The following EDAR variants were observed in gnomAD, a reference collection of about 807,000 sequenced individuals.
EDAR encodes the protein tumor necrosis factor receptor superfamily member EDAR.
Under a neutral mutation model 51.3 loss-of-function variants are expected in EDAR, and 38 were observed. The observed-to-expected ratio is 0.74, with a 90% confidence interval of 0.57 to 0.97. The LOEUF (loss-of-function observed/expected upper bound fraction) is 0.97. EDAR is among the 50% of genes least tolerant of loss of function. The pLI, the probability that EDAR is intolerant of heterozygous loss-of-function variation, is 0.00. For synonymous variants in EDAR, 227 were observed against 242.1 expected, an observed-to-expected ratio of 0.94 and a Z score of 0.58; for missense variants, 528 against 595.0, an observed-to-expected ratio of 0.89 and a Z score of 1.17.
chr2:108,910,895 G>A (rs1696916898), intron 7 of EDAR, 45 bp from the exon 8 acceptor site: 1 of 1,613,870 alleles, frequency 6.2e-7, no homozygotes, highest in African/African-American at 1.3e-5. Flanking sequence ...TCCGACAGGG[G>A]GAGTTGACGG....
intron 1 of EDAR, among the ~76,000 whole-genome samples, chr2:108,971,050 G>GA (rs1250895762): frequency 1.3e-5 from 2 of 152,074 alleles, no homozygotes. Flanking sequence ...TGGTGGTGGG[G>GA]AAATCACAGG....
At position 108,912,738 on chromosome 2, in the gene EDAR, C is replaced by T; in HGVS notation, c.469G>A (p.Ala157Thr). The stretch of plus-strand genomic sequence containing the variant: ...CTGCCCGAGGTGCCAGGGAAGTTGG[C>T]AGAAGCTCCTGAAGTGGCTCCCACA... ...ECVGATSGASANFPGTSGSST... is the reference protein window; with the variant it reads ...ECVGATSGASTNFPGTSGSST... Residue 157 changes from alanine to threonine, a missense_variant, in exon 6 of 12, where the codon GCC becomes ACC. Coordinates refer to ENST00000258443, the MANE Select transcript of EDAR (RefSeq NM_022336.4). 1 of 1,601,186 alleles carries T rather than the reference C, an allele frequency of 6.2e-7. No homozygotes were observed. Among genetic ancestry groups the T allele is most frequent in the Non-Finnish European group, 8.5e-7 (1 of 1,174,282 alleles).
intron 1 of EDAR, among the ~76,000 whole-genome samples, chr2:108,932,040 C>T (rs1017838343): frequency 2.0e-5 from 3 of 152,146 alleles, no homozygotes; most frequent in Non-Finnish European, 4.4e-5. Context: ...AGAATTCTCT[C>T]GTCCTTAGCA....
At chr2:108,912,567 G>C in intron 6 of EDAR, 111 bp downstream of exon 6, 1 of 1,042,810 alleles carries the variant, frequency 9.6e-7, no homozygotes, top group Non-Finnish European at 1.4e-6. Flanking sequence ...GGTGAGGCCA[G>C]GTGGGGAAGC....
intron 1 of EDAR, among the ~76,000 whole-genome samples, chr2:108,988,361 CAG>C (rs956746478): frequency 6.6e-6 from 1 of 152,176 alleles, no homozygotes; most frequent in Non-Finnish European, 1.5e-5. Context: ...CACGGTCTGT[CAG>C]AGTGTTGAGA....
intron 1 of EDAR, among the ~76,000 whole-genome samples, chr2:108,938,968 C>T (rs927062374): frequency 6.6e-6 from 1 of 151,850 alleles, no homozygotes; most frequent in Non-Finnish European, 1.5e-5. Flanking sequence ...TTATTAGAGA[C>T]GGGGTTTCAC....
rs533098592 is a variant in EDAR, at chr2:108,911,167, C to T, written c.530-95G>A. On this transcript the variant is annotated intron_variant, in intron 6 of 11. Transcript: ENST00000258443. ...GGCCCCTGGAAGCAATGGCCCTGCCCCTGGGATGCTTTCAGGGAACCCTGA... is the reference window on the plus strand; with the variant it reads ...GGCCCCTGGAAGCAATGGCCCTGCCTCTGGGATGCTTTCAGGGAACCCTGA... 3.6e-5 allele frequency: 53 copies of T among 1,485,086 alleles called. No individual in the cohort carries two copies. In the East Asian group the frequency reaches 1.2e-3, roughly 33 times the overall value. The allele number at this position is 1,485,086 out of a possible 1,614,324, so 92.0% of individuals were successfully genotyped here.
rs907469191 is a variant in EDAR at position 108,929,466 on chromosome 2, G to A, written c.175-87C>T. 1.2e-5 allele frequency: 17 copies of A among 1,396,272 alleles called. No individual in the cohort carries two copies. The African/African-American group carries it at 1.8e-4, about 15-fold the overall frequency. The allele number at this position is 1,396,272 out of a possible 1,614,324, so 86.5% of individuals were successfully genotyped here. ...GCCCACAGTCCTTGGGCAGTGACGT[G>A]CCAGCTGTCTCCAGAAGCTACTCTT... On this transcript the variant is annotated intron_variant, in intron 3 of 11. Transcript: ENST00000258443.
intron 1 of EDAR, among the ~76,000 whole-genome samples, chr2:108,941,216 A>G (rs1344053459): frequency 6.6e-6 from 1 of 152,200 alleles, no homozygotes; most frequent in Non-Finnish European, 1.5e-5. Context: ...GTAAACCACA[A>G]TGTTTCTCCA....
chr2:108,951,572 C>A (rs1480611063), intron 1 of EDAR, among the ~76,000 whole-genome samples: 1 of 152,114 alleles, frequency 6.6e-6, no homozygotes, highest in Admixed American at 6.5e-5. Context: ...ATACACAATC[C>A]TGTATAGATA....
intron 1 of EDAR, among the ~76,000 whole-genome samples, chr2:108,949,329 C>A (rs1697778222): frequency 6.6e-6 from 1 of 152,152 alleles, no homozygotes; most frequent in Non-Finnish European, 1.5e-5. Flanking sequence ...ATTAATTATT[C>A]CAAAGAGAAA....
At position 108,907,966 on chromosome 2, in the gene EDAR, C is replaced by G. The variant is rs894253618; in HGVS notation, c.857G>C (p.Ser286Thr). ...NEQLLSRSVD[S>T]DEEPAPDKQG... ...CTTGTCAGGGGCGGGCTCCTCATCA[C>G]TGTCGACGCTCCGGCTCAGCAGCTG... is the stretch of plus-strand genomic sequence containing the variant. The change falls in exon 10 of 12, where the codon AGT becomes ACT. Residue 286 changes from serine to threonine, a missense_variant. By Grantham distance (58) the Ser-to-Thr change is moderately conservative. Transcript: ENST00000258443. The G allele has an allele frequency of 2.1e-5, 34 of 1,613,358 alleles. No individual in the cohort carries two copies. The highest frequency in any genetic ancestry group is 2.9e-5 in the Non-Finnish European group (34 of 1,179,672).
Position 108,907,857 on chromosome 2 carries a change from C to A in EDAR, c.963+3G>T. Reference sequence around the variant, plus strand: ...CTCATCATGGCACCTGCAGGAGCCTCACCCCGGCTGACTTGTTGCTGGTGG... The same window carrying A: ...CTCATCATGGCACCTGCAGGAGCCTAACCCCGGCTGACTTGTTGCTGGTGG... On this transcript the variant is annotated splice_donor_region_variant and intron_variant, in intron 10 of 11. Coordinates refer to ENST00000258443, the MANE Select transcript of EDAR (RefSeq NM_022336.4). 1 of 1,613,468 alleles carries A rather than the reference C, an allele frequency of 6.2e-7. No homozygotes were observed. The highest frequency in any genetic ancestry group is 8.5e-7 in the Non-Finnish European group (1 of 1,180,010).
intron 1 of EDAR, among the ~76,000 whole-genome samples, chr2:108,976,793 AT>A (rs199716452): frequency 2.6e-5 from 4 of 151,022 alleles, no homozygotes; most frequent in East Asian, 1.9e-4. Context: ...ACATACTACC[AT>A]TTTTTTTTCT....
At chr2:108,918,136 G>A (rs1257869231) in intron 5 of EDAR, among the ~76,000 whole-genome samples, 2 of 152,192 alleles carry the variant, frequency 1.3e-5, no homozygotes, top group Non-Finnish European at 2.9e-5. Flanking sequence ...TTCCCACCAT[G>A]TCCACTCCTT....
At chr2:108,945,806 A>C (rs116520778) in intron 1 of EDAR, among the ~76,000 whole-genome samples, 1 of 152,214 alleles carries the variant, frequency 6.6e-6, no homozygotes, top group Non-Finnish European at 1.5e-5. Context: ...TAAGCCAGTC[A>C]TGAAAGGACA....
At position 108,930,147 on chromosome 2, in the gene EDAR, CG is replaced by C. The variant is rs1558814721; in HGVS notation, c.146del (p.Pro49ArgfsTer54). 1 of 1,613,966 alleles carries C rather than the reference CG, an allele frequency of 6.2e-7. No homozygotes were observed. Among genetic ancestry groups the C allele is most frequent in the Admixed American group, 1.7e-5 (1 of 60,024 alleles). ...QTTGLCQECPPCGPGEEPYLS... is the reference protein window; with the variant it reads ...QTTGLCQECPXCGPGEEPYLS... ...GGTAGGGCTCCTCTCCCGGCCCACA[CG>C]GGGGGCACTCCTGGCACAGCCCCGT... On this transcript the variant is annotated frameshift_variant, in exon 3 of 12. Transcript: ENST00000258443. LOFTEE classifies it high-confidence loss of function.
chr2:108,967,576 G>A (rs772983099), intron 1 of EDAR, among the ~76,000 whole-genome samples: 2 of 152,086 alleles, frequency 1.3e-5, no homozygotes, highest in African/African-American at 2.4e-5. Flanking sequence ...CTGCCAAGAC[G>A]GGGTGGCTAT....
chr2:108,984,104 T>C (rs1246833113), intron 1 of EDAR, among the ~76,000 whole-genome samples: 2 of 152,218 alleles, frequency 1.3e-5, no homozygotes, highest in Non-Finnish European at 1.5e-5. Context: ...AGGGTCTTCA[T>C]AATTTTTCTC....
Sources: allele counts gnomAD v4.1 joint callset (sites outside exome capture counted in the v4.1 genomes callset), GRCh38; gene constraint gnomAD v4.1.1; transcripts MANE v1.5; gene names NCBI Gene and HGNC (gene_info 2026-07-23, HGNC 2026-07-21).